CACNA1I: variants seen among roughly 807,000 people sequenced by gnomAD.
CACNA1I encodes the protein calcium voltage-gated channel subunit alpha1 I.
Under a neutral mutation model 201.6 loss-of-function variants are expected in CACNA1I, and 74 were observed. The observed-to-expected ratio is 0.37, with a 90% CI of 0.30 to 0.45. The LOEUF (loss-of-function observed/expected upper bound fraction) is 0.45. CACNA1I is among the 20% of genes least tolerant of loss of function. The probability of loss-of-function intolerance (pLI) is 1.00; values close to 1 mark genes in which losing one functional copy is unlikely to be tolerated. For synonymous variants in CACNA1I, 1,431 were observed against 1,345.2 expected (o/e 1.06, Z -1.40); for missense variants, 2,346 against 3,138.1 (o/e 0.75, Z 6.03).
chr22:39,577,297 A>G (rs1284725104), intron 1 of CACNA1I, among the ~76,000 whole-genome samples: 2 of 152,162 alleles, frequency 1.3e-5, no homozygotes, highest in Admixed American at 1.3e-4. Flanking sequence ...CGGCCTCCCA[A>G]AGTGCTGGGA....
At chr22:39,581,337 G>A (rs913006447) in intron 1 of CACNA1I, among the ~76,000 whole-genome samples, 1 of 152,180 alleles carries the variant, frequency 6.6e-6, no homozygotes, top group African/African-American at 2.4e-5. Flanking sequence ...TGTGGGCTGG[G>A]AGAGGATGTG....
intron 2 of CACNA1I, 48 bp from the exon 3 acceptor site, chr22:39,600,472 C>A: frequency 6.5e-7 from 1 of 1,550,266 alleles, no homozygotes; most frequent in Non-Finnish European, 8.9e-7. Context: ...CTGGGCCCTG[C>A]TCTGCAACCT....
chr22:39,665,021 C>T lies in CACNA1I; in HGVS notation c.3851+98C>T, dbSNP rs4375974. ...CCTCACTCCGCCCTCCCCGCCCGCC[C>T]ACTCGGTCCTCCAATAGTGAGTGCC... On this transcript the variant is annotated intron_variant, in intron 21 of 36. Coordinates refer to ENST00000402142, the MANE Select transcript of CACNA1I (RefSeq NM_021096.4). The surrounding 1 kb of genome is among the most constrained non-coding windows in gnomAD (Gnocchi z 5.5). 227 of 1,143,492 alleles carry T rather than the reference C, an allele frequency of 2.0e-4. 2 individuals carry two copies. In the South Asian group the frequency reaches 3.2e-3, roughly 16 times the overall value. The allele number at this position is 1,143,492 out of a possible 1,614,324, so 70.8% of individuals were successfully genotyped here. A position where few individuals can be genotyped will look rare whatever the true frequency, so the allele number is the denominator to read the frequency against.
chr22:39,598,509 A>G (rs1306794822), intron 2 of CACNA1I, among the ~76,000 whole-genome samples: 3 of 151,202 alleles, frequency 2.0e-5, no homozygotes, highest in Non-Finnish European at 4.4e-5. Flanking sequence ...TACCCTTCGG[A>G]TCCTCTCTTC....
rs768104592 is a variant in CACNA1I, at chr22:39,649,834, G to A, written c.1901G>A (p.Arg634His). 4.3e-6 allele frequency: 7 copies of A among 1,613,506 alleles called. No homozygotes were observed. The highest frequency in any genetic ancestry group is 1.3e-5 in the African/African-American group (1 of 75,038). The stretch of plus-strand genomic sequence containing the variant: ...TGGCGGGAGACGCGAGCCAAGCTGC[G>A]CGGCATCGTGGACAGCAAGTACTTC... ...DVWRETRAKL[R>H]GIVDSKYFNR... Residue 634 changes from arginine to histidine, a missense_variant, in exon 10 of 37, where the codon CGC (arginine) becomes CAC (histidine). Physicochemically the swap from Arg to His is conservative, Grantham distance 29. Transcript: ENST00000402142. The surrounding 1 kb of genome is among the most constrained non-coding windows in gnomAD (Gnocchi z 7.3).
chr22:39,653,249 T>G (rs1934704916), intron 10 of CACNA1I, among the ~76,000 whole-genome samples: 1 of 152,180 alleles, frequency 6.6e-6, no homozygotes, highest in Non-Finnish European at 1.5e-5. Flanking sequence ...CACCCCTGGG[T>G]GCATTTACCA....
intron 2 of CACNA1I, among the ~76,000 whole-genome samples, chr22:39,600,021 C>G (rs1453890870): frequency 6.6e-6 from 1 of 152,184 alleles, no homozygotes; most frequent in Admixed American, 6.5e-5. Flanking sequence ...TGGGGTGAGA[C>G]CCACCGGAGT....
At position 39,661,871 on chromosome 22, in the gene CACNA1I, A is replaced by AGCG. The variant is rs1935021738; in HGVS notation, c.2902-92_2902-91insGGC. 3.9e-6 allele frequency: 3 copies of AGCG among 767,900 alleles called. No individual in the cohort carries two copies. The South Asian group carries it at 5.8e-5, about 15-fold the overall frequency. The allele number at this position is 767,900 out of a possible 1,614,324, so 47.6% of individuals were successfully genotyped here. ...CCGCTGGCCAGGTGGGTGGTCTTAGAGCCACAGCGGGGGTGCAGGCTGCCT... is the reference window on the plus strand; with the variant it reads ...CCGCTGGCCAGGTGGGTGGTCTTAGAGCGGCCACAGCGGGGGTGCAGGCTGCCT... On this transcript the variant is annotated intron_variant, in intron 16 of 36. Transcript: ENST00000402142.
intron 15 of CACNA1I, among the ~76,000 whole-genome samples, chr22:39,660,656 C>G (rs1057039469): frequency 6.6e-6 from 1 of 152,186 alleles, no homozygotes; most frequent in African/African-American, 2.4e-5. Context: ...CAGGGGTAGC[C>G]GCAGCCCACC....
intron 3 of CACNA1I, among the ~76,000 whole-genome samples, chr22:39,618,738 G>A (rs562389572): frequency 1.3e-5 from 2 of 151,954 alleles, no homozygotes; most frequent in African/African-American, 4.8e-5. Context: ...GGGGCAGGGG[G>A]GGTCATCCTG....
At chr22:39,681,518 A>G (rs1348834476) in intron 34 of CACNA1I, among the ~76,000 whole-genome samples, 1 of 152,144 alleles carries the variant, frequency 6.6e-6, no homozygotes, top group African/African-American at 2.4e-5. Flanking sequence ...ATTTGTTCCC[A>G]CTTCACATGT....
At chr22:39,594,696 G>T (rs1330525137) in intron 1 of CACNA1I, among the ~76,000 whole-genome samples, 2 of 152,106 alleles carry the variant, frequency 1.3e-5, no homozygotes, top group South Asian at 2.1e-4. Flanking sequence ...CCTGCTGAGG[G>T]TTTGGCTGGT....
rs1454055975 is a variant in CACNA1I at position 39,660,425 on chromosome 22, G to A, written c.2686G>A (p.Asp896Asn). 4 of 1,611,542 alleles carry A rather than the reference G, an allele frequency of 2.5e-6. No homozygotes were observed. The highest frequency in any genetic ancestry group is 1.7e-4 in the Middle Eastern group (1 of 6,046). The change falls in exon 15 of 37, where the codon GAC becomes AAC. Residue 896 changes from aspartate to asparagine, a missense_variant. Around this residue, in one of 13 missense-constraint regions of CACNA1I, gnomAD observed 92 missense variants for 114.5 expected, o/e 0.80. Transcript: ENST00000402142. Reference sequence around the variant, plus strand: ...GTTTGATAAGCTCCAGGAAGGCCTGGACAGCAGCGGAGGTAAACAGGCCCT... The same window carrying A: ...GTTTGATAAGCTCCAGGAAGGCCTGAACAGCAGCGGAGGTAAACAGGCCCT... ...EEFDKLQEGL[D>N]SSGDPKLCPI...
At chr22:39,627,106 G>C (rs903973665) in intron 4 of CACNA1I, among the ~76,000 whole-genome samples, 2 of 152,136 alleles carry the variant, frequency 1.3e-5, no homozygotes, top group African/African-American at 4.8e-5. Context: ...TTCTTTTAGC[G>C]TGTAGGCGCC....
chr22:39,659,949 C>T lies in CACNA1I; in HGVS notation c.2604+97C>T. On this transcript the variant is annotated intron_variant, in intron 14 of 36. Transcript: ENST00000402142. The surrounding 1 kb of genome is among the most constrained non-coding windows in gnomAD (Gnocchi z 4.3). ...GGATGGGGGAGGGCTGCAATTCAAA[C>T]TTCTAGCAGGCAACCTATCCCTAAA... The T allele has an allele frequency of 1.4e-6, 2 of 1,410,844 alleles. No homozygotes were observed. The highest frequency in any genetic ancestry group is 3.6e-4 in the Middle Eastern group (2 of 5,512). The allele number at this position is 1,410,844 out of a possible 1,614,324, so 87.4% of individuals were successfully genotyped here.
Position 39,663,831 on chromosome 22 carries a change from C to T in CACNA1I, c.3587C>T (p.Ala1196Val), listed in dbSNP as rs1185884208. ...GCCCTGGAGCGGCCTCAGATCGAGG[C>T]CGGCAGCACCGTGAGTGGCTGTAGC... ...TIALERPQIE[A>V]GSTERIFLTV... Residue 1196 changes from alanine (A) to valine (V), a missense_variant, in exon 19 of 37, where the codon GCC (alanine) becomes GTC (valine). Transcript: ENST00000402142. 6.2e-7 allele frequency: 1 copy of T among 1,613,490 alleles called. No individual in the cohort carries two copies. The highest frequency in any genetic ancestry group is 1.3e-5 in the African/African-American group (1 of 74,942).
chr22:39,582,021 T>C (rs916915921), intron 1 of CACNA1I, among the ~76,000 whole-genome samples: 6 of 152,164 alleles, frequency 3.9e-5, no homozygotes, highest in African/African-American at 1.4e-4. Flanking sequence ...GCTGTGCGAA[T>C]GTGAAGGCTT....
rs2146485540 is a variant in CACNA1I, at chr22:39,684,260, C to T, written c.5831-42C>T. The T allele has an allele frequency of 6.3e-7, 1 of 1,589,454 alleles. No individual in the cohort carries two copies. Among genetic ancestry groups the T allele is most frequent in the Admixed American group, 1.7e-5 (1 of 58,728 alleles). ...CACCTTCCAGGGGCTGCCCCCTGGC[C>T]TGAGCGTGCTCCCTCAGCTCTGTCT... On this transcript the variant is annotated intron_variant, in intron 35 of 36. Transcript: ENST00000402142. This position sits in a 1 kb window ranked among gnomAD's most constrained non-coding sequence, Gnocchi z 4.6.
intron 15 of CACNA1I, among the ~76,000 whole-genome samples, 196 bp downstream of exon 15, chr22:39,660,633 G>A (rs1332781124): frequency 6.6e-6 from 1 of 152,220 alleles, no homozygotes; most frequent in Non-Finnish European, 1.5e-5. Flanking sequence ...ATGGACCCCT[G>A]GGATTCTAGG....
Sources: gnomAD v4.1 joint callset for allele counts (sites outside exome capture counted in the v4.1 genomes callset) on GRCh38, gnomAD v4.1.1 for gene constraint, gnomAD v4.1.1 regional missense constraint, Gnocchi (gnomAD v3.1) non-coding constraint, MANE v1.5 for transcripts, NCBI Gene and HGNC (gene_info 2026-07-23, HGNC 2026-07-21) for gene names.